PIWIL4: variants seen among roughly 807,000 people sequenced by gnomAD.
The protein encoded by PIWIL4 is piwi like RNA-mediated gene silencing 4, also known as piwi-like protein 4.
A neutral mutation model predicts 100.9 loss-of-function variants in PIWIL4; 50 were observed. The ratio of observed to expected loss-of-function variants is 0.50; its 90% CI spans 0.39 to 0.63. The LOEUF is 0.63. Ranked by LOEUF, PIWIL4 falls within the 20% of genes least tolerant of loss-of-function variation. The probability of loss-of-function intolerance (pLI) is 0.00; values close to 1 mark genes in which losing one functional copy is unlikely to be tolerated. For synonymous variants in PIWIL4, 342 were observed against 367.5 expected, an observed-to-expected ratio of 0.93 and a Z score of 0.79; for missense variants, 887 against 1,043.3, an observed-to-expected ratio of 0.85 and a Z score of 2.06.
intron 19 of PIWIL4, among the ~76,000 whole-genome samples, chr11:94,620,383 T>C (rs1948892830): frequency 6.6e-6 from 1 of 152,210 alleles, no homozygotes; most frequent in South Asian, 2.1e-4. Context: ...TAGTTACAGT[T>C]TCTAGACGAC....
chr11:94,620,024 G>A lies in PIWIL4; in HGVS notation c.2322G>A (p.Val774=), dbSNP rs1366646136. 5.6e-6 allele frequency: 9 copies of A among 1,614,110 alleles called. No individual in the cohort carries two copies. The highest frequency in any genetic ancestry group is 6.8e-6 in the Non-Finnish European group (8 of 1,180,020). ...EWYDFYLISQ[V]ACRGTVSPTY... ...ATGACTTTTATCTGATCAGCCAGGT[G>A]GCCTGCCGGGGAACTGTTAGTCCTA... The change falls in exon 19 of 20, where the codon GTG becomes GTA. Residue 774 remains valine, a synonymous_variant. Transcript: ENST00000299001.
intron 15 of PIWIL4, among the ~76,000 whole-genome samples, chr11:94,614,945 C>T (rs1178828044): frequency 6.6e-6 from 1 of 152,172 alleles, no homozygotes; most frequent in Non-Finnish European, 1.5e-5. Flanking sequence ...AAGAGTCAAG[C>T]TATCTGTTTG....
chr11:94,593,275 C>T (rs1049167704), intron 8 of PIWIL4, among the ~76,000 whole-genome samples: 2 of 151,870 alleles, frequency 1.3e-5, no homozygotes, highest in African/African-American at 4.8e-5. Context: ...TGGCTGAAAC[C>T]AAGAGACAGC....
At chr11:94,587,396 G>A in intron 7 of PIWIL4, 149 bp downstream of exon 7, 2 of 843,836 alleles carry the variant, frequency 2.4e-6, no homozygotes, top group African/African-American at 1.7e-5. Context: ...TTGCTGTCTG[G>A]AGTTCACATG....
chr11:94,567,948 C>A, intron 1 of PIWIL4: 3 of 470,130 alleles, frequency 6.4e-6, no homozygotes, highest in South Asian at 9.1e-5. Flanking sequence ...GGCATATAAT[C>A]TAATGCAGTT....
chr11:94,594,086 C>G (rs1052355672), intron 9 of PIWIL4, among the ~76,000 whole-genome samples: 1 of 152,076 alleles, frequency 6.6e-6, no homozygotes, highest in African/African-American at 2.4e-5. Flanking sequence ...AACAGGTAGG[C>G]CTAGGAAGTG....
At chr11:94,593,424 A>T in intron 8 of PIWIL4, 94 bp from the exon 9 acceptor site, 3 of 1,270,498 alleles carry the variant, frequency 2.4e-6, no homozygotes, top group Non-Finnish European at 3.2e-6. Flanking sequence ...ATTTATTTAT[A>T]TATTAATGTT....
chr11:94,585,350 T>A, intron 5 of PIWIL4, 95 bp from the exon 6 acceptor site: 2 of 816,692 alleles, frequency 2.4e-6, no homozygotes, highest in Non-Finnish European at 3.9e-6. Flanking sequence ...GTATTTCCTA[T>A]ATATTTTTAA....
At position 94,619,838 on chromosome 11, in the gene PIWIL4, C is replaced by T. The variant is rs756931190; in HGVS notation, c.2247C>T (p.Asn749=). ...FFTEMNRTVQ[N]PPLGTVVDSE... ...CCGAAATGAACCGCACTGTACAGAA[C>T]CCCCCACTTGGCACTGTTGTGGATT... is the stretch of plus-strand genomic sequence containing the variant. The change falls in exon 18 of 20, where the codon AAC becomes AAT. Residue 749 remains asparagine (N), a synonymous_variant. Coordinates refer to ENST00000299001, the MANE Select transcript of PIWIL4 (RefSeq NM_152431.3). 7 of 1,614,108 alleles carry T rather than the reference C, an allele frequency of 4.3e-6. No homozygotes were observed. In the Middle Eastern group the frequency reaches 4.9e-4, roughly 114 times the overall value.
At chr11:94,618,659 A>G (rs570273820) in intron 17 of PIWIL4, among the ~76,000 whole-genome samples, 1 of 152,214 alleles carries the variant, frequency 6.6e-6, no homozygotes, top group Non-Finnish European at 1.5e-5. Context: ...TTCTGCAGTG[A>G]TTATGTGAAA....
At chr11:94,620,246 C>T (rs1948891364) in intron 19 of PIWIL4, 102 bp downstream of exon 19, 3 of 1,223,828 alleles carry the variant, frequency 2.5e-6, no homozygotes, top group Non-Finnish European at 3.4e-6. Flanking sequence ...AGCACAATAC[C>T]TGATATTTCC....
At chr11:94,611,569 C>T (rs1429356588) in intron 15 of PIWIL4, among the ~76,000 whole-genome samples, 4 of 152,138 alleles carry the variant, frequency 2.6e-5, no homozygotes, top group African/African-American at 9.7e-5. Flanking sequence ...AGTTTGTCCC[C>T]TCCAAAAAAT....
At chr11:94,571,334 G>A (rs1219122204) in intron 2 of PIWIL4, among the ~76,000 whole-genome samples, 4 of 151,828 alleles carry the variant, frequency 2.6e-5, no homozygotes, top group South Asian at 2.1e-4. Flanking sequence ...TGTGCACAAC[G>A]TGCAGGTTTG....
intron 15 of PIWIL4, among the ~76,000 whole-genome samples, 164 bp downstream of exon 15, chr11:94,608,850 T>C (rs544020680): frequency 6.6e-6 from 1 of 152,384 alleles, no homozygotes; most frequent in Admixed American, 6.5e-5. Context: ...TGATTGATAA[T>C]ATTGGGGTAC....
intron 7 of PIWIL4, among the ~76,000 whole-genome samples, chr11:94,588,143 G>T (rs1302682925): frequency 1.3e-5 from 2 of 151,798 alleles, no homozygotes; most frequent in Non-Finnish European, 2.9e-5. Flanking sequence ...CCCAGCGTGT[G>T]TTTTTCCCCT....
intron 3 of PIWIL4, among the ~76,000 whole-genome samples, chr11:94,576,211 T>C (rs1205824192): frequency 6.6e-6 from 1 of 152,210 alleles, no homozygotes; most frequent in Non-Finnish European, 1.5e-5. Flanking sequence ...CTTGGTTCAC[T>C]GCAGCCTCTG....
intron 2 of PIWIL4, among the ~76,000 whole-genome samples, chr11:94,574,620 C>T (rs943998147): frequency 4.6e-5 from 7 of 152,110 alleles, no homozygotes; most frequent in Non-Finnish European, 2.9e-5. Context: ...CCACCTCAGC[C>T]CAGGCACATG....
At chr11:94,618,196 T>C in intron 17 of PIWIL4, 89 bp downstream of exon 17, 1 of 1,335,860 alleles carries the variant, frequency 7.5e-7, no homozygotes, top group Admixed American at 2.6e-5. Flanking sequence ...GCATAAGTTT[T>C]GTTTTTTATG....
intron 12 of PIWIL4, among the ~76,000 whole-genome samples, chr11:94,603,481 C>A (rs1041520252): frequency 1.3e-5 from 2 of 152,150 alleles, no homozygotes; most frequent in African/African-American, 4.8e-5. Context: ...TTCCAGGCTC[C>A]AGACAAGCAA....
Sources: gnomAD v4.1 joint callset for allele counts (sites outside exome capture counted in the v4.1 genomes callset) on GRCh38, gnomAD v4.1.1 for gene constraint, MANE v1.5 for transcripts, NCBI Gene and HGNC (gene_info 2026-07-23, HGNC 2026-07-21) for gene names.